The following PSD3 variants were observed in gnomAD, a reference collection of about 807,000 sequenced individuals.
PSD3 encodes PH and SEC7 domain-containing protein 3.
In PSD3, 49 loss-of-function variants were observed where a neutral mutation model predicts 105.5. That is an observed-to-expected ratio of 0.46 (90% CI 0.37 to 0.59). PSD3 has a LOEUF of 0.59. Among genes scored for constraint, PSD3 ranks in the 20% least tolerant of loss-of-function variants. The pLI is 0.00. For missense variants in PSD3, 1,561 were observed against 1,263.8 expected, an observed-to-expected ratio of 1.24 and a Z score of -3.57; for synonymous variants, 557 against 457.8, an observed-to-expected ratio of 1.22 and a Z score of -2.77.
At chr8:18,675,495 G>A (rs529439905) in intron 9 of PSD3, among the ~76,000 whole-genome samples, 2 of 152,264 alleles carry the variant, frequency 1.3e-5, no homozygotes, top group African/African-American at 4.8e-5. Flanking sequence ...ATTTCATGTT[G>A]TAAAACTTAA....
chr8:19,011,388 A>G (rs1164894113), intron 1 of PSD3, among the ~76,000 whole-genome samples: 1 of 152,258 alleles, frequency 6.6e-6, no homozygotes, highest in African/African-American at 2.4e-5. Flanking sequence ...TGTTTTTTCA[A>G]TGTAATGCCA....
At chr8:18,638,288 C>A in intron 10 of PSD3, among the ~76,000 whole-genome samples, 2 of 150,048 alleles carry the variant, frequency 1.3e-5, no homozygotes, top group African/African-American at 2.5e-5. Flanking sequence ...CACTTTTGTT[C>A]AACACAGTTT....
At chr8:19,072,876 G>T (rs1829316981) in intron 1 of PSD3, among the ~76,000 whole-genome samples, 1 of 152,164 alleles carries the variant, frequency 6.6e-6, no homozygotes. Context: ...CATGTGGAAG[G>T]ACTCAAGTGA....
chr8:18,748,818 T>A (rs1166900715), intron 9 of PSD3, among the ~76,000 whole-genome samples: 1 of 152,142 alleles, frequency 6.6e-6, no homozygotes, highest in African/African-American at 2.4e-5. Context: ...ATCATCCACC[T>A]AAAGTAGGGT....
chr8:18,705,386 C>T (rs376937129), intron 9 of PSD3, among the ~76,000 whole-genome samples: 1 of 151,784 alleles, frequency 6.6e-6, no homozygotes, highest in African/African-American at 2.4e-5. Flanking sequence ...GAAAAATTAG[C>T]TGGGTGTGGT....
intron 1 of PSD3, among the ~76,000 whole-genome samples, chr8:19,066,026 A>G (rs1563540804): frequency 6.6e-6 from 1 of 152,210 alleles, no homozygotes; most frequent in African/African-American, 2.4e-5. Context: ...TGAATACCAA[A>G]TAAATATTTC....
At chr8:18,667,726 G>C (rs1205474811) in intron 9 of PSD3, among the ~76,000 whole-genome samples, 1 of 152,250 alleles carries the variant, frequency 6.6e-6, no homozygotes, top group East Asian at 1.9e-4. Context: ...CTGCGGAGCA[G>C]GGGGCGGTAC....
chr8:18,600,074 A>G (rs1206617528), intron 12 of PSD3, among the ~76,000 whole-genome samples: 1 of 152,206 alleles, frequency 6.6e-6, no homozygotes, highest in Non-Finnish European at 1.5e-5. Context: ...CTATTAAGTG[A>G]TTAAAGGATG....
At chr8:19,038,752 T>C (rs892263298) in intron 1 of PSD3, among the ~76,000 whole-genome samples, 3 of 152,192 alleles carry the variant, frequency 2.0e-5, no homozygotes, top group African/African-American at 7.2e-5. Flanking sequence ...GCCTGGCCCT[T>C]AGATCCCACA....
chr8:19,046,356 C>T (rs1336541440), intron 1 of PSD3, among the ~76,000 whole-genome samples: 8 of 152,146 alleles, frequency 5.3e-5, no homozygotes, highest in African/African-American at 9.7e-5. Context: ...GTGATCTGCC[C>T]GCCTCAGCCT....
intron 8 of PSD3, chr8:18,774,721 T>C: frequency 5.5e-6 from 2 of 361,208 alleles, no homozygotes; most frequent in South Asian, 4.2e-5. Context: ...CTGAGGTTTG[T>C]TTTCTGAGTT....
At chr8:18,910,228 G>C (rs1422868892) in intron 2 of PSD3, among the ~76,000 whole-genome samples, 1 of 148,936 alleles carries the variant, frequency 6.7e-6, no homozygotes, top group East Asian at 2.0e-4. Flanking sequence ...CAAAGACTTG[G>C]AACCAACTCA....
At chr8:18,694,832 A>AAG (rs2131009298) in intron 9 of PSD3, among the ~76,000 whole-genome samples, 1 of 151,456 alleles carries the variant, frequency 6.6e-6, no homozygotes, top group South Asian at 2.1e-4. Flanking sequence ...GAAAAAAAAA[A>AAG]TTATTCTGAT....
At chr8:18,927,185 A>C (rs2129468050) in intron 2 of PSD3, among the ~76,000 whole-genome samples, 1 of 152,104 alleles carries the variant, frequency 6.6e-6, no homozygotes, top group South Asian at 2.1e-4. Flanking sequence ...AGCTACCCAA[A>C]ACCTCTCAAA....
At chr8:18,954,864 C>T (rs1823465216) in intron 1 of PSD3, among the ~76,000 whole-genome samples, 1 of 152,140 alleles carries the variant, frequency 6.6e-6, no homozygotes, top group Non-Finnish European at 1.5e-5. Context: ...AAGGGAATTA[C>T]AACATTAATC....
chr8:18,676,496 T>C (rs766749716), intron 9 of PSD3, among the ~76,000 whole-genome samples: 5 of 152,192 alleles, frequency 3.3e-5, no homozygotes, highest in South Asian at 2.1e-4. Flanking sequence ...TCTGCTCTCA[T>C]AATGTTTAAA....
chr8:19,082,408 A>T (rs868856895), intron 1 of PSD3, among the ~76,000 whole-genome samples: 1 of 152,180 alleles, frequency 6.6e-6, no homozygotes, highest in African/African-American at 2.4e-5. Flanking sequence ...CTCCATTGCA[A>T]TGTGAAGCAG....
intron 8 of PSD3, among the ~76,000 whole-genome samples, chr8:18,784,226 G>A (rs1808909338): frequency 6.6e-6 from 1 of 152,078 alleles, no homozygotes; most frequent in African/African-American, 2.4e-5. Flanking sequence ...ATCGTGCGTG[G>A]TGATTCTAAG....
intron 1 of PSD3, among the ~76,000 whole-genome samples, chr8:19,073,550 C>CAAAAAAAAAAAAAA (rs869154642): frequency 1.0e-4 from 7 of 69,154 alleles, no homozygotes; most frequent in African/African-American, 3.1e-4. Context: ...AACTGTCTCT[C>CAAAAAAAAAAAAAA]AAAAAAAAAA....
Sources: allele counts gnomAD v4.1 joint callset (sites outside exome capture counted in the v4.1 genomes callset), GRCh38; gene constraint gnomAD v4.1.1; transcripts MANE v1.5; gene names NCBI Gene and HGNC (gene_info 2026-07-23, HGNC 2026-07-21).